The following ANKH variants were observed in gnomAD, a reference collection of about 807,000 sequenced individuals.
The protein encoded by ANKH is ANKH inorganic pyrophosphate transport regulator, also known as mineralization regulator ANKH.
Under a neutral mutation model 49.0 loss-of-function variants are expected in ANKH, and 15 were observed. That is an observed-to-expected ratio of 0.31 (90% CI 0.20 to 0.47). The LOEUF (loss-of-function observed/expected upper bound fraction) is 0.47, where lower values mean the gene tolerates loss of function less well. Among genes scored for constraint, ANKH ranks in the 20% least tolerant of loss-of-function variants. The pLI, the probability that ANKH is intolerant of heterozygous loss-of-function variation, is 1.00. For missense variants in ANKH, 429 were observed against 652.0 expected (o/e 0.66, Z 3.72); for synonymous variants, 273 against 260.0 (o/e 1.05, Z -0.48).
chr5:14,864,801 TTAAA>T (rs1735596308), intron 1 of ANKH, among the ~76,000 whole-genome samples: 1 of 152,202 alleles, frequency 6.6e-6, no homozygotes, highest in Admixed American at 6.5e-5. Context: ...AAAATCATAC[TTAAA>T]TACTTTTAAA....
intron 1 of ANKH, among the ~76,000 whole-genome samples, chr5:14,791,823 G>A (rs575406099): frequency 4.3e-4 from 65 of 152,256 alleles, no homozygotes; most frequent in Admixed American, 7.8e-4. Context: ...CCTCTGCCAC[G>A]CAGGTGCTAC....
In ANKH at chr5:14,728,236, G is replaced by C. The variant is rs139735651; in HGVS notation, c.1012-11401C>G. Among the ~76,000 whole-genome samples, 225 of 152,358 alleles carry C rather than the reference G, an allele frequency of 1.5e-3. 2 individuals are homozygous for C. In the East Asian group the frequency reaches 0.015, roughly 10 times the overall value. ...AGATAGATGCCTTATTAGCTGAGGA[G>C]GACACAGGGCCTACAGGGACTGTGT... On this transcript the variant is annotated intron_variant, in intron 8 of 11. Transcript: ENST00000284268.
At chr5:14,717,666 G>T (rs956828999) in intron 8 of ANKH, among the ~76,000 whole-genome samples, 1 of 152,228 alleles carries the variant, frequency 6.6e-6, no homozygotes, top group Non-Finnish European at 1.5e-5. Context: ...TCTGGATGAG[G>T]TAAAACAGAG....
chr5:14,710,746 A>G lies in ANKH; in HGVS notation c.*451T>C. The G allele has an allele frequency of 5.0e-6, 1 of 198,552 alleles. No individual in the cohort carries two copies. Among genetic ancestry groups the G allele is most frequent in the African/African-American group, 2.3e-5 (1 of 42,790 alleles). 12.3% of individuals were successfully genotyped at this position (198,552 alleles called of 1,614,324 possible). On this transcript the variant is annotated 3_prime_UTR_variant, in exon 12 of 12. Coordinates refer to ENST00000284268, the MANE Select transcript of ANKH (RefSeq NM_054027.6). ...CTCTTTGTACGGCCATGTGACTGGGAAGCAAATCAAAGGAAGCCGAGTTTT... is the reference window on the plus strand; with the variant it reads ...CTCTTTGTACGGCCATGTGACTGGGGAGCAAATCAAAGGAAGCCGAGTTTT...
rs971625697 is a variant in ANKH, at chr5:14,725,293, G to A, written c.1012-8458C>T. On this transcript the variant is annotated intron_variant, in intron 8 of 11. Transcript: ENST00000284268. This position sits in a 1 kb window ranked among gnomAD's most constrained non-coding sequence, Gnocchi z 4.0. The stretch of plus-strand genomic sequence containing the variant: ...CCTCACAGGGATGCTGTGTGGACTG[G>A]GCTGCCCAGAGTGCTGGTCTGCCAA... Among the ~76,000 whole-genome samples, 2 of 152,158 alleles carry A rather than the reference G, an allele frequency of 1.3e-5. No individual in the cohort carries two copies. The highest frequency in any genetic ancestry group is 6.5e-5 in the Admixed American group (1 of 15,280).
chr5:14,784,504 G>A, intron 1 of ANKH, among the ~76,000 whole-genome samples: 1 of 152,134 alleles, frequency 6.6e-6, no homozygotes, highest in East Asian at 1.9e-4. Context: ...TACCTACCCA[G>A]GCAATTAAGT....
intron 4 of ANKH, 98 bp from the exon 5 acceptor site, chr5:14,751,337 A>C: frequency 7.8e-7 from 1 of 1,277,558 alleles, no homozygotes; most frequent in East Asian, 2.4e-5. Context: ...CAGACCTCTG[A>C]GCAAAGATCT....
chr5:14,870,911 T>C, intron 1 of ANKH: 1 of 353,124 alleles, frequency 2.8e-6, no homozygotes, highest in South Asian at 2.2e-5. Flanking sequence ...AACAAATGTT[T>C]AAAAATGGAA....
chr5:14,780,939 G>A (rs1739786983), intron 1 of ANKH, among the ~76,000 whole-genome samples: 1 of 152,194 alleles, frequency 6.6e-6, no homozygotes, highest in East Asian at 1.9e-4. Flanking sequence ...TACACCCTAA[G>A]TCGTCAGAAA....
chr5:14,764,261 T>A (rs574532351), intron 2 of ANKH, among the ~76,000 whole-genome samples: 1 of 152,116 alleles, frequency 6.6e-6, no homozygotes, highest in East Asian at 1.9e-4. Flanking sequence ...TTTGTTTTGG[T>A]CAGTAGTGTG....
intron 1 of ANKH, among the ~76,000 whole-genome samples, chr5:14,788,699 CAGAG>C (rs1740057853): frequency 2.0e-5 from 3 of 152,072 alleles, no homozygotes; most frequent in Admixed American, 2.0e-4. Context: ...AGTAGAAAGG[CAGAG>C]AGAAATACAC....
intron 1 of ANKH, among the ~76,000 whole-genome samples, chr5:14,800,727 C>CTT (rs901835855): frequency 1.6e-4 from 22 of 135,288 alleles, no homozygotes; most frequent in South Asian, 7.2e-4. Flanking sequence ...CATTTTTTTT[C>CTT]TTTTTTTTTT....
chr5:14,849,501 A>G (rs1394029981), intron 1 of ANKH, among the ~76,000 whole-genome samples: 1 of 152,204 alleles, frequency 6.6e-6, no homozygotes, highest in African/African-American at 2.4e-5. Context: ...AGCTCAACAG[A>G]CAATACTGTT....
chr5:14,797,669 C>T (rs558225257), intron 1 of ANKH: 3 of 1,598,198 alleles, frequency 1.9e-6, no homozygotes, highest in East Asian at 4.5e-5. Flanking sequence ...CAGCAACTGA[C>T]CCAAACAGAG....
At chr5:14,758,621 T>C (rs192935127) in intron 2 of ANKH, 23 bp from the exon 3 acceptor site, 1 of 1,443,902 alleles carries the variant, frequency 6.9e-7, no homozygotes, top group East Asian at 2.3e-5. Flanking sequence ...GAAAGGCATA[T>C]GTGGAAATAT....
chr5:14,828,262 C>A (rs1214639451), intron 1 of ANKH, among the ~76,000 whole-genome samples: 1 of 152,100 alleles, frequency 6.6e-6, no homozygotes, highest in Admixed American at 6.5e-5. Context: ...GAGGCCGAGG[C>A]GGGCATATCA....
At chr5:14,813,069 T>C (rs1044447454) in intron 1 of ANKH, among the ~76,000 whole-genome samples, 5 of 152,156 alleles carry the variant, frequency 3.3e-5, no homozygotes, top group African/African-American at 1.2e-4. Context: ...AGTGAAACCC[T>C]ATCTCTACAA....
chr5:14,836,512 T>C (rs1168731613), intron 1 of ANKH, among the ~76,000 whole-genome samples: 1 of 152,162 alleles, frequency 6.6e-6, no homozygotes, highest in Non-Finnish European at 1.5e-5. Flanking sequence ...TGAACTCCCA[T>C]TCACAATTGC....
intron 1 of ANKH, among the ~76,000 whole-genome samples, chr5:14,843,179 T>G (rs902793868): frequency 6.7e-6 from 1 of 150,348 alleles, no homozygotes; most frequent in Admixed American, 6.6e-5. Flanking sequence ...GGTTCTCTTT[T>G]TTTTTTTTTT....
Sources: allele counts gnomAD v4.1 joint callset (sites outside exome capture counted in the v4.1 genomes callset), GRCh38; gene constraint gnomAD v4.1.1; non-coding constraint Gnocchi (gnomAD v3.1); transcripts MANE v1.5; gene names NCBI Gene and HGNC (gene_info 2026-07-23, HGNC 2026-07-21).